EIF4G1: variants seen among roughly 807,000 people sequenced by gnomAD.
The protein encoded by EIF4G1 is EIF4-gamma.
In EIF4G1, 4 loss-of-function variants were observed where a neutral mutation model predicts 187.8. The ratio of observed to expected loss-of-function variants is 0.02; its 90% CI spans 0.01 to 0.05. The LOEUF (loss-of-function observed/expected upper bound fraction) is 0.05, where lower values mean the gene tolerates loss of function less well. Ranked by LOEUF, EIF4G1 falls within the 10% of genes least tolerant of loss-of-function variation. The pLI is 1.00. For missense variants in EIF4G1, 1,647 were observed against 2,081.1 expected (o/e 0.79, Z 4.06); for synonymous variants, 844 against 781.4 (o/e 1.08, Z -1.34).
Position 184,321,043 on chromosome 3 carries a change from A to G in EIF4G1, c.697+50A>G, listed in dbSNP as rs114840884. 2,043 of 1,598,376 alleles carry G rather than the reference A, an allele frequency of 1.3e-3. 11 individuals carry two copies. Among genetic ancestry groups the G allele is most frequent in the Middle Eastern group, 6.3e-3 (31 of 4,948 alleles). On this transcript the variant is annotated intron_variant, in intron 9 of 32. Transcript: ENST00000346169. ...TTTTATGGGGAAAGGGAATGTTAACAGTTAAATGCTGAGGTGGTGGAGTGA... is the reference window on the plus strand; with the variant it reads ...TTTTATGGGGAAAGGGAATGTTAACGGTTAAATGCTGAGGTGGTGGAGTGA...
chr3:184,317,949 G>A, intron 6 of EIF4G1, 133 bp downstream of exon 6: 1 of 725,098 alleles, frequency 1.4e-6, no homozygotes, highest in Non-Finnish European at 2.4e-6. Flanking sequence ...ATAGGTGGTA[G>A]GGATTGGTGC....
intron 32 of EIF4G1, among the ~76,000 whole-genome samples, chr3:184,332,748 A>G (rs1231827119): frequency 6.6e-6 from 1 of 151,990 alleles, no homozygotes; most frequent in African/African-American, 2.4e-5. Flanking sequence ...TGTTCTTTCT[A>G]CCTATGGTAG....
chr3:184,325,994 A>G lies in EIF4G1; in HGVS notation c.3222+43A>G, dbSNP rs1724813310. On this transcript the variant is annotated intron_variant, in intron 21 of 32. Transcript: ENST00000346169. The surrounding 1 kb of genome is among the most constrained non-coding windows in gnomAD (Gnocchi z 5.2). Reference sequence around the variant, plus strand: ...AGTGGGTGATTCAGCTCAGGTTTAGATCTTAGTCCCTTCACTTTTCTAAAG... The same window carrying G: ...AGTGGGTGATTCAGCTCAGGTTTAGGTCTTAGTCCCTTCACTTTTCTAAAG... 5 of 1,590,098 alleles carry G rather than the reference A, an allele frequency of 3.1e-6. No homozygotes were observed. The East Asian group carries it at 1.1e-4, about 36-fold the overall frequency.
In EIF4G1 at chr3:184,323,383, CTT is replaced by C. The variant is rs777204873; in HGVS notation, c.2089-24_2089-23del. On this transcript the variant is annotated intron_variant, in intron 14 of 32. Coordinates refer to ENST00000346169, the MANE Select transcript of EIF4G1 (RefSeq NM_198241.3). This position sits in a 1 kb window ranked among gnomAD's most constrained non-coding sequence, Gnocchi z 6.9. The stretch of plus-strand genomic sequence containing the variant: ...TGTGCTGACTAGTTCCATGTCCCCT[CTT>C]GTCTTCATCCCTTGCTTAGCAGGCT... 8.1e-6 allele frequency: 13 copies of C among 1,614,108 alleles called. No homozygotes were observed. The highest frequency in any genetic ancestry group is 7.7e-5 in the South Asian group (7 of 91,076).
intron 9 of EIF4G1, 90 bp downstream of exon 9, chr3:184,321,083 C>G: frequency 1.3e-6 from 2 of 1,535,658 alleles, no homozygotes; most frequent in Non-Finnish European, 1.8e-6. Context: ...AACTGGGTAC[C>G]AGAGAATGAT....
rs765341344 is a variant in EIF4G1 at position 184,321,730 on chromosome 3, T to A, written c.1146T>A (p.Pro382=). 4 of 1,595,582 alleles carry A rather than the reference T, an allele frequency of 2.5e-6. No homozygotes were observed. Among genetic ancestry groups the A allele is most frequent in the Non-Finnish European group, 2.6e-6 (3 of 1,168,336 alleles). ...TGGAGTCAAGCCCAGAGCTTGCTCC[T>A]CCCCCAGCTTGCCCCTCCGAATCCC... ...PEVESSPELA[P]PPACPSESPV... is the part of the protein sequence containing the mutation. Residue 382 remains proline, a synonymous_variant, in exon 10 of 33, where the codon CCT becomes CCA. Coordinates refer to ENST00000346169, the MANE Select transcript of EIF4G1 (RefSeq NM_198241.3).
At position 184,315,776 on chromosome 3, in the gene EIF4G1, C is replaced by T. The variant is rs1269996734; in HGVS notation, c.-21C>T. The T allele has an allele frequency of 2.6e-6, 4 of 1,551,632 alleles. No individual in the cohort carries two copies. Among genetic ancestry groups the T allele is most frequent in the East Asian group, 2.4e-5 (1 of 40,924 alleles). ...CTTTCCCAACAGGTGCTGGGGGGAC[C>T]CTGATGTGGCACCAAATGAAATGAA... On this transcript the variant is annotated 5_prime_UTR_variant, in exon 3 of 33. Transcript: ENST00000346169.
In EIF4G1 at chr3:184,327,090, C is replaced by T. The variant is rs945258201; in HGVS notation, c.3428+107C>T. 6 of 1,576,456 alleles carry T rather than the reference C, an allele frequency of 3.8e-6. No individual in the cohort carries two copies. In the African/African-American group the frequency reaches 8.1e-5, roughly 21 times the overall value. ...CTTCATACCTGTCCTGGTTGGAGCC[C>T]TTGGGTTAGATTGGGGCATACTCAT... On this transcript the variant is annotated intron_variant, in intron 23 of 32. Transcript: ENST00000346169.
In EIF4G1 at chr3:184,325,497, C is replaced by T. The variant is rs11918961; in HGVS notation, c.2979C>T (p.Arg993=). The change falls in exon 20 of 33, where the codon CGC becomes CGT. Residue 993 remains arginine (R), a synonymous_variant. Transcript: ENST00000346169. This position sits in a 1 kb window ranked among gnomAD's most constrained non-coding sequence, Gnocchi z 5.2. ...LDLRGSNWVP[R]RGDQGPKTID... ...CTCCACAGAGCAATTGGGTGCCACG[C>T]CGAGGGGATCAGGGTCCCAAGACCA... 4.3e-4 allele frequency: 689 copies of T among 1,614,138 alleles called. 3 individuals are homozygous for T. In the African/African-American group the frequency reaches 8.0e-3, roughly 19 times the overall value.
intron 32 of EIF4G1, among the ~76,000 whole-genome samples, chr3:184,332,772 C>T (rs1301275126): frequency 1.3e-5 from 2 of 151,888 alleles, no homozygotes; most frequent in Non-Finnish European, 2.9e-5. Flanking sequence ...GAACTTGACA[C>T]AGGGAAAAGA....
chr3:184,315,295 G>A (rs1217836945), intron 1 of EIF4G1, 194 bp from the exon 2 acceptor site: 6 of 470,554 alleles, frequency 1.3e-5, no homozygotes, highest in Admixed American at 1.1e-4. Flanking sequence ...GTTCCCCGGC[G>A]GCAGGCGTAT....
chr3:184,317,398 C>T lies in EIF4G1; in HGVS notation c.225C>T (p.Gly75=). The T allele has an allele frequency of 6.2e-7, 1 of 1,614,114 alleles. No homozygotes were observed. Among genetic ancestry groups the T allele is most frequent in the Non-Finnish European group, 8.5e-7 (1 of 1,180,014 alleles). The change falls in exon 5 of 33, where the codon GGC becomes GGT. Residue 75 remains glycine, a synonymous_variant. Coordinates refer to ENST00000346169, the MANE Select transcript of EIF4G1 (RefSeq NM_198241.3). ...RVQSAAPARP[G]PAAHVYPAGS... is the part of the protein sequence containing the mutation. ...AGAGTGCAGCCCCTGCCCGCCCTGG[C>T]CCAGCTGCCCATGTCTACCCTGCTG...
chr3:184,316,185 G>A lies in EIF4G1; in HGVS notation c.114G>A (p.Ala38=), dbSNP rs776795917. 6.2e-7 allele frequency: 1 copy of A among 1,614,114 alleles called. No homozygotes were observed. Among genetic ancestry groups the A allele is most frequent in the Non-Finnish European group, 8.5e-7 (1 of 1,180,020 alleles). The change falls in exon 4 of 33, where the codon GCG becomes GCA. Residue 38 remains alanine, a synonymous_variant. Transcript: ENST00000346169. ...CGGTGGTGTTCAGTACGCCACAAGC[G>A]ACACAAATGAACACGCCTTCTCAGC... ...TAPVVFSTPQ[A]TQMNTPSQPR... is the part of the protein sequence containing the mutation.
intron 4 of EIF4G1, chr3:184,316,869 G>C (rs544502419): frequency 1.1e-6 from 1 of 910,926 alleles, no homozygotes; most frequent in Admixed American, 2.1e-5. Flanking sequence ...GTTGGAGGCC[G>C]AGTGATGCAT....
rs1560236434 is a variant in EIF4G1 at position 184,334,929 on chromosome 3, CTGGAGCCCCA to C, written c.*26_*35del. ...ACTGAGGGCTGGTGGGGCCGGGGAC[CTGGAGCCCCA>C]TGGACACACAGATGGCCCGGCTAGC... On this transcript the variant is annotated 3_prime_UTR_variant, in exon 33 of 33. Coordinates refer to ENST00000346169, the MANE Select transcript of EIF4G1 (RefSeq NM_198241.3). The surrounding 1 kb of genome is among the most constrained non-coding windows in gnomAD (Gnocchi z 5.8). 1 of 1,613,388 alleles carries C rather than the reference CTGGAGCCCCA, an allele frequency of 6.2e-7. No homozygotes were observed. Among genetic ancestry groups the C allele is most frequent in the East Asian group, 2.2e-5 (1 of 44,876 alleles).
At chr3:184,320,166 C>T (rs1723637397) in intron 7 of EIF4G1, 1 of 843,216 alleles carries the variant, frequency 1.2e-6, no homozygotes, top group South Asian at 2.0e-5. Flanking sequence ...AGGCCTCCGC[C>T]TCTGCTCAGT....
intron 28 of EIF4G1, among the ~76,000 whole-genome samples, chr3:184,330,960 C>T (rs940373646): frequency 1.3e-5 from 2 of 151,982 alleles, no homozygotes; most frequent in Non-Finnish European, 2.9e-5. Context: ...GGCTGGTCTC[C>T]GACTCCTGAC....
Position 184,323,606 on chromosome 3 carries a change from C to A in EIF4G1, c.2274+13C>A. 3 of 1,613,846 alleles carry A rather than the reference C, an allele frequency of 1.9e-6. No individual in the cohort carries two copies. The highest frequency in any genetic ancestry group is 1.3e-5 in the African/African-American group (1 of 75,034). ...CAGCAAAACCCAGGTACTGGCAAGT[C>A]CTGCTTTTGGTCTCTCTCCATTTCT... is the stretch of plus-strand genomic sequence containing the variant. On this transcript the variant is annotated intron_variant, in intron 15 of 32. Coordinates refer to ENST00000346169, the MANE Select transcript of EIF4G1 (RefSeq NM_198241.3). The surrounding 1 kb of genome is among the most constrained non-coding windows in gnomAD (Gnocchi z 6.9).
intron 1 of EIF4G1, chr3:184,315,285 G>C (rs529190366): frequency 1.4e-4 from 64 of 462,746 alleles, no homozygotes; most frequent in African/African-American, 1.1e-3. Flanking sequence ...CCCAGTGCGG[G>C]TTCCCCGGCG....
Sources: allele counts gnomAD v4.1 joint callset (sites outside exome capture counted in the v4.1 genomes callset), GRCh38; gene constraint gnomAD v4.1.1; non-coding constraint Gnocchi (gnomAD v3.1); transcripts MANE v1.5; gene names NCBI Gene and HGNC (gene_info 2026-07-23, HGNC 2026-07-21).